The following TMEM171 variants were observed in gnomAD, a reference collection of about 807,000 sequenced individuals.
TMEM171 encodes proline-rich protein PRP2.
TMEM171 carries 16 observed loss-of-function variants against 19.1 expected under a neutral mutation model. That is an observed-to-expected ratio of 0.84 (90% CI 0.57 to 1.27). The LOEUF is 1.27. Among genes scored for constraint, TMEM171 ranks in the 50% most tolerant of loss-of-function variants. TMEM171 has a pLI of 0.00. For missense variants in TMEM171, 429 were observed against 412.7 expected (o/e 1.04, Z -0.34); for synonymous variants, 153 against 163.4 (o/e 0.94, Z 0.48).
chr5:73,123,513 GCCAATATAAGC>G lies in TMEM171; in HGVS notation c.143_153del (p.Gln48ProfsTer133), dbSNP rs756803775. On this transcript the variant is annotated frameshift_variant, in exon 2 of 4. Coordinates refer to ENST00000454765, the MANE Select transcript of TMEM171 (RefSeq NM_173490.8). LOFTEE classifies it high-confidence loss of function. Reference sequence around the variant, plus strand: ...CTCTCCATCTTTGGGTTCCAGGCATGCCAATATAAGCCCCTCCCAGACTGCCCCATGGTGCT... The same window carrying G: ...CTCTCCATCTTTGGGTTCCAGGCATGCCCTCCCAGACTGCCCCATGGTGCT... 6.2e-7 allele frequency: 1 copy of G among 1,614,232 alleles called. No homozygotes were observed. Among genetic ancestry groups the G allele is most frequent in the Non-Finnish European group, 8.5e-7 (1 of 1,180,050 alleles).
intron 1 of TMEM171, among the ~76,000 whole-genome samples, chr5:73,122,883 G>A (rs757102453): frequency 1.3e-5 from 2 of 152,220 alleles, no homozygotes; most frequent in African/African-American, 2.4e-5. Context: ...TTACTGAACT[G>A]ACTTGAAAAT....
chr5:73,127,384 A>AAAAAAAAAAAAAT, intron 2 of TMEM171, among the ~76,000 whole-genome samples: 77 of 81,646 alleles, frequency 9.4e-4, no homozygotes, highest in Non-Finnish European at 1.4e-3. Flanking sequence ...AAAAAAAAAA[A>AAAAAAAAAAAAAT]ATATATATAT....
At chr5:73,126,038 C>T (rs960301214) in intron 2 of TMEM171, among the ~76,000 whole-genome samples, 5 of 152,138 alleles carry the variant, frequency 3.3e-5, no homozygotes, top group Admixed American at 6.5e-5. Flanking sequence ...TTCTGAAAGA[C>T]GCATGAAAGG....
chr5:73,127,593 C>T (rs531783433), intron 2 of TMEM171, among the ~76,000 whole-genome samples: 36 of 151,304 alleles, frequency 2.4e-4, no homozygotes, highest in South Asian at 1.9e-3. Context: ...CCTGCCACCA[C>T]GCCTGCCTGA....
chr5:73,129,628 A>G (rs1051680500), intron 3 of TMEM171, among the ~76,000 whole-genome samples: 4 of 152,152 alleles, frequency 2.6e-5, no homozygotes, highest in Admixed American at 1.3e-4. Flanking sequence ...GAGAGACTCT[A>G]TCTCAGGGGG....
chr5:73,125,876 A>G (rs1744149140), intron 2 of TMEM171, among the ~76,000 whole-genome samples: 1 of 152,082 alleles, frequency 6.6e-6, no homozygotes, highest in Admixed American at 6.5e-5. Flanking sequence ...CTCTCCTTTG[A>G]TATTGTGGAA....
Position 73,121,811 on chromosome 5 carries a change from G to T in TMEM171, c.-69+1115G>T, listed in dbSNP as rs549187929. ...TTGTCAAGATCATCTTGGGCTTAGGGCCTCAGTCTTGAGTTCCTTCATGGG... is the reference window on the plus strand; with the variant it reads ...TTGTCAAGATCATCTTGGGCTTAGGTCCTCAGTCTTGAGTTCCTTCATGGG... On this transcript the variant is annotated intron_variant, in intron 1 of 3. Transcript: ENST00000454765. Among the ~76,000 whole-genome samples, 5 of 152,250 alleles carry T rather than the reference G, an allele frequency of 3.3e-5. No homozygotes were observed. In the South Asian group the frequency reaches 6.2e-4, roughly 19 times the overall value.
chr5:73,126,962 C>T (rs1053255096), intron 2 of TMEM171, among the ~76,000 whole-genome samples: 2 of 152,138 alleles, frequency 1.3e-5, no homozygotes, highest in Admixed American at 6.5e-5. Flanking sequence ...CATCTGGTCC[C>T]TAGTTTCTCC....
intron 2 of TMEM171, among the ~76,000 whole-genome samples, chr5:73,126,318 T>C (rs2112922821): frequency 1.3e-5 from 2 of 152,338 alleles, no homozygotes; most frequent in South Asian, 4.1e-4. Flanking sequence ...AGGACCGCTA[T>C]TATGCTTTCT....
In TMEM171 at chr5:73,128,195, C is replaced by T. The variant is rs879146942; in HGVS notation, c.641-195C>T. Among the ~76,000 whole-genome samples, 4 of 152,152 alleles carry T rather than the reference C, an allele frequency of 2.6e-5. 1 individual carries two copies. In the South Asian group the frequency reaches 8.3e-4, roughly 32 times the overall value. On this transcript the variant is annotated intron_variant, in intron 2 of 3. Coordinates refer to ENST00000454765, the MANE Select transcript of TMEM171 (RefSeq NM_173490.8). The stretch of plus-strand genomic sequence containing the variant: ...TCCCACTCCCTTCCTCCTCCCGAAC[C>T]CCTCCTAGCCCCTGGTAACCTAGTC...
intron 3 of TMEM171, among the ~76,000 whole-genome samples, chr5:73,129,996 A>C (rs1200463640): frequency 6.6e-6 from 1 of 152,152 alleles, no homozygotes; most frequent in African/African-American, 2.4e-5. Context: ...ATGGAGAATG[A>C]CATTGAGGAA....
rs749379047 is a variant in TMEM171, at chr5:73,123,579, T to G, written c.206T>G (p.Val69Gly). 6.2e-7 allele frequency: 1 copy of G among 1,614,194 alleles called. No homozygotes were observed. The highest frequency in any genetic ancestry group is 1.7e-5 in the Admixed American group (1 of 60,026). ...LKVAGPACAV[V>G]GLGAVILARS... ...GTGGCGGGGCCTGCATGTGCCGTGG[T>G]TGGGCTTGGGGCTGTGATCCTGGCC... is the stretch of plus-strand genomic sequence containing the variant. Residue 69 changes from valine (V) to glycine (G), a missense_variant, in exon 2 of 4, where the codon GTT (valine) becomes GGT (glycine). Transcript: ENST00000454765.
At position 73,127,384 on chromosome 5, in the gene TMEM171, A is replaced by AATAT. The variant is rs59879336; in HGVS notation, c.641-986_641-983dup. 1.2e-3 allele frequency among the ~76,000 whole-genome samples: 94 copies of AATAT among 81,672 alleles called. 5 individuals carry two copies. Among genetic ancestry groups the AATAT allele is most frequent in the Admixed American group, 3.4e-3 (30 of 8,816 alleles). The allele number at this position is 81,672 out of a possible 152,430, so 53.6% of individuals were successfully genotyped here. On this transcript the variant is annotated intron_variant, in intron 2 of 3. Coordinates refer to ENST00000454765, the MANE Select transcript of TMEM171 (RefSeq NM_173490.8). ...AAATTTGTGGTAAAAAAAAAAAAAA[A>AATAT]ATATATATATATATATATATATAAA...
At chr5:73,121,056 G>A (rs1322160516) in intron 1 of TMEM171, among the ~76,000 whole-genome samples, 1 of 152,146 alleles carries the variant, frequency 6.6e-6, no homozygotes, top group Non-Finnish European at 1.5e-5. Flanking sequence ...AGGTTTCATT[G>A]CGAGTGAATG....
In TMEM171 at chr5:73,120,656, C is replaced by A. The variant is rs1289033138; in HGVS notation, c.-109C>A. On this transcript the variant is annotated 5_prime_UTR_variant, in exon 1 of 4. Coordinates refer to ENST00000454765, the MANE Select transcript of TMEM171 (RefSeq NM_173490.8). The stretch of plus-strand genomic sequence containing the variant: ...GGCGGACGCCGCGCCCAGCCAGTGC[C>A]CACAGCAGCGCGGTCAGCCAGGCGC... 1.0e-6 allele frequency: 1 copy of A among 984,564 alleles called. No individual in the cohort carries two copies. Among genetic ancestry groups the A allele is most frequent in the Non-Finnish European group, 1.2e-6 (1 of 829,816 alleles). 61.0% of individuals were successfully genotyped at this position (984,564 alleles called of 1,614,324 possible). A position where few individuals can be genotyped will look rare whatever the true frequency, so the allele number is the denominator to read the frequency against.
At chr5:73,125,144 G>T (rs1744126370) in intron 2 of TMEM171, among the ~76,000 whole-genome samples, 1 of 152,192 alleles carries the variant, frequency 6.6e-6, no homozygotes, top group Non-Finnish European at 1.5e-5. Context: ...CATTCCTTGT[G>T]TAGAGCCAGG....
intron 2 of TMEM171, 108 bp from the exon 3 acceptor site, chr5:73,128,282 G>A (rs1450662743): frequency 4.6e-6 from 6 of 1,313,596 alleles, no homozygotes; most frequent in African/African-American, 2.9e-5. Flanking sequence ...AGCAGCAGGT[G>A]TGTTGACCTT....
At position 73,131,681 on chromosome 5, in the gene TMEM171, A is replaced by G. The variant is rs776761774; in HGVS notation, c.926A>G (p.Asn309Ser). The change falls in exon 4 of 4, where the codon AAT (asparagine) becomes AGT (serine). Residue 309 changes from asparagine (N) to serine (S), a missense_variant. Coordinates refer to ENST00000454765, the MANE Select transcript of TMEM171 (RefSeq NM_173490.8). Reference sequence around the variant, plus strand: ...CCTCCTAGATATGAAGAAAAAGAAAATGCTGCAGCTACATTCTTGCCTCTA... The same window carrying G: ...CCTCCTAGATATGAAGAAAAAGAAAGTGCTGCAGCTACATTCTTGCCTCTA... Reference protein sequence around the residue: ...ELPPRYEEKENAAATFLPLSS... With the variant: ...ELPPRYEEKESAAATFLPLSS... The G allele has an allele frequency of 6.2e-7, 1 of 1,613,984 alleles. No homozygotes were observed. Among genetic ancestry groups the G allele is most frequent in the East Asian group, 2.2e-5 (1 of 44,876 alleles).
At chr5:73,122,896 T>C (rs1406206657) in intron 1 of TMEM171, among the ~76,000 whole-genome samples, 2 of 152,230 alleles carry the variant, frequency 1.3e-5, no homozygotes, top group Non-Finnish European at 2.9e-5. Context: ...TTGAAAATGC[T>C]GAGAGCAGCT....
Sources: gnomAD v4.1 joint callset for allele counts (sites outside exome capture counted in the v4.1 genomes callset) on GRCh38, gnomAD v4.1.1 for gene constraint, MANE v1.5 for transcripts, NCBI Gene and HGNC (gene_info 2026-07-23, HGNC 2026-07-21) for gene names.